AADAC: variants seen among roughly 807,000 people sequenced by gnomAD.
The protein encoded by AADAC is arylacetamide deacetylase, also known as arylacetamide deacetylase (esterase).
AADAC carries 17 observed loss-of-function variants against 22.7 expected under a neutral mutation model. That is an observed-to-expected ratio of 0.75 (90% CI 0.51 to 1.12). The LOEUF (loss-of-function observed/expected upper bound fraction) is 1.12. Ranked by LOEUF, AADAC falls within the 50% of genes most tolerant of loss-of-function variation. AADAC has a pLI of 0.00. For synonymous variants in AADAC, 167 were observed against 176.3 expected (o/e 0.95, Z 0.42); for missense variants, 465 against 473.9 (o/e 0.98, Z 0.17).
chr3:151,824,745 G>C lies in AADAC; in HGVS notation c.514G>C (p.Val172Leu), dbSNP rs35084477. The C allele has an allele frequency of 6.2e-7, 1 of 1,608,848 alleles. No individual in the cohort carries two copies. The highest frequency in any genetic ancestry group is 8.5e-7 in the Non-Finnish European group (1 of 1,177,324). The change falls in exon 4 of 5, where the codon GTT (valine) becomes CTT (leucine). Residue 172 changes from valine (V) to leucine (L), a missense_variant. Transcript: ENST00000232892. ...CTTAAGGTGGTTCTTACGTAAAAAAGTTCTTGCAAAATATGGTGTGAACCC... is the reference window on the plus strand; with the variant it reads ...CTTAAGGTGGTTCTTACGTAAAAAACTTCTTGCAAAATATGGTGTGAACCC... ...NALRWFLRKKVLAKYGVNPER... is the reference protein window; with the variant it reads ...NALRWFLRKKLLAKYGVNPER...
intron 1 of AADAC, among the ~76,000 whole-genome samples, chr3:151,814,788 C>A (rs1268317924): frequency 6.6e-6 from 1 of 151,932 alleles, no homozygotes; most frequent in Admixed American, 6.6e-5. Context: ...GGGTTAACCA[C>A]GAGACGGCAC....
intron 1 of AADAC, among the ~76,000 whole-genome samples, chr3:151,816,676 TAGA>T (rs1715999896): frequency 6.6e-6 from 1 of 151,994 alleles, no homozygotes; most frequent in Non-Finnish European, 1.5e-5. Flanking sequence ...GTCTGGTTAA[TAGA>T]AGAAAAAGGC....
intron 2 of AADAC, among the ~76,000 whole-genome samples, chr3:151,819,888 A>G (rs1716161188): frequency 6.6e-6 from 1 of 152,058 alleles, no homozygotes; most frequent in Admixed American, 6.6e-5. Context: ...AAGGGGACCT[A>G]GTTCTATTCC....
rs1227720780 is a variant in AADAC at position 151,817,595 on chromosome 3, GA to G, written c.361+9del. On this transcript the variant is annotated splice_region_variant and intron_variant, in intron 2 of 4. Coordinates refer to ENST00000232892, the MANE Select transcript of AADAC (RefSeq NM_001086.3). ...TGGTGCGTGGGAAGTGCTGGTAAGT[GA>G]ATGCTTTGAAAAATCTCTGTCACTG... The G allele has an allele frequency of 6.2e-7, 1 of 1,610,300 alleles. No individual in the cohort carries two copies. The highest frequency in any genetic ancestry group is 1.3e-5 in the African/African-American group (1 of 74,888).
intron 3 of AADAC, among the ~76,000 whole-genome samples, chr3:151,823,457 G>T (rs1716338384): frequency 6.6e-6 from 1 of 151,634 alleles, no homozygotes; most frequent in African/African-American, 2.4e-5. Context: ...AGAAGTATAG[G>T]CGAAAGACTC....
chr3:151,821,932 A>G (rs1220929861), intron 3 of AADAC, among the ~76,000 whole-genome samples: 1 of 151,870 alleles, frequency 6.6e-6, no homozygotes, highest in Non-Finnish European at 1.5e-5. Context: ...AAGATAAAAT[A>G]TACTTTAAAA....
intron 4 of AADAC, among the ~76,000 whole-genome samples, chr3:151,826,419 T>C (rs1462924108): frequency 6.6e-6 from 1 of 151,878 alleles, no homozygotes; most frequent in African/African-American, 2.4e-5. Flanking sequence ...TATGAATAAA[T>C]TTATATAAAA....
In AADAC at chr3:151,814,183, C is replaced by T. The variant is rs756727439; in HGVS notation, c.21C>T (p.Tyr7=). The T allele has an allele frequency of 1.3e-5, 21 of 1,613,230 alleles. No individual in the cohort carries two copies. The highest frequency in any genetic ancestry group is 1.7e-5 in the Non-Finnish European group (20 of 1,179,544). MGRKSL[Y]LLIVGILIAY... The stretch of plus-strand genomic sequence containing the variant: ...TCACCATGGGAAGAAAATCGCTGTA[C>T]CTTCTGATTGTGGGGATCCTCATAG... The change falls in exon 1 of 5, where the codon TAC becomes TAT. Residue 7 remains tyrosine, a synonymous_variant. Transcript: ENST00000232892.
chr3:151,824,711 A>C lies in AADAC; in HGVS notation c.480A>C (p.Val160=), dbSNP rs1716401262. ...ATTTCCCAATTCAATTTGAAGATGTATATAATGCCTTAAGGTGGTTCTTAC... is the reference window on the plus strand; with the variant it reads ...ATTTCCCAATTCAATTTGAAGATGTCTATAATGCCTTAAGGTGGTTCTTAC... The part of the protein sequence containing the change: ...KYHFPIQFED[V]YNALRWFLRK... The change falls in exon 4 of 5, where the codon GTA becomes GTC. Residue 160 remains valine, a synonymous_variant. Coordinates refer to ENST00000232892, the MANE Select transcript of AADAC (RefSeq NM_001086.3). 2 of 1,602,462 alleles carry C rather than the reference A, an allele frequency of 1.2e-6. No individual in the cohort carries two copies. Among genetic ancestry groups the C allele is most frequent in the Non-Finnish European group, 1.7e-6 (2 of 1,174,650 alleles).
chr3:151,828,192 A>G lies in AADAC; in HGVS notation c.*20A>G. 1 of 1,376,040 alleles carries G rather than the reference A, an allele frequency of 7.3e-7. No individual in the cohort carries two copies. Among genetic ancestry groups the G allele is most frequent in the East Asian group, 2.4e-5 (1 of 41,134 alleles). 85.2% of individuals were successfully genotyped at this position (1,376,040 alleles called of 1,614,324 possible). A position where few individuals can be genotyped will look rare whatever the true frequency, so the allele number is the denominator to read the frequency against. On this transcript the variant is annotated 3_prime_UTR_variant, in exon 5 of 5. Transcript: ENST00000232892. ...CTATAGTAAAACATGTAGCTATAAC[A>G]TATTTTAAAAATAAAATCTGAAAAC...
At chr3:151,821,880 A>G (rs2108031280) in intron 3 of AADAC, among the ~76,000 whole-genome samples, 1 of 151,994 alleles carries the variant, frequency 6.6e-6, no homozygotes, top group African/African-American at 2.4e-5. Flanking sequence ...TTTTGGTTAT[A>G]TTTAAATTAA....
Position 151,816,046 on chromosome 3 carries a change from G to C in AADAC, c.139-1320G>C, listed in dbSNP as rs931883895. Among the ~76,000 whole-genome samples the C allele has an allele frequency of 7.9e-5, 12 of 152,020 alleles. 1 individual carries two copies. The highest frequency in any genetic ancestry group is 6.6e-4 in the Admixed American group (10 of 15,250). Reference sequence around the variant, plus strand: ...GCTCACTTTCCTCATATCTGACATGGATAAGAAAATGTTATCTTCCTCCCA... The same window carrying C: ...GCTCACTTTCCTCATATCTGACATGCATAAGAAAATGTTATCTTCCTCCCA... On this transcript the variant is annotated intron_variant, in intron 1 of 4. Transcript: ENST00000232892.
intron 1 of AADAC, among the ~76,000 whole-genome samples, chr3:151,815,530 A>C: frequency 6.6e-6 from 1 of 151,950 alleles, no homozygotes; most frequent in East Asian, 1.9e-4. Context: ...AGAAAGGGAC[A>C]CATTTTTTTC....
intron 1 of AADAC, among the ~76,000 whole-genome samples, chr3:151,814,584 C>T (rs1353048995): frequency 1.3e-5 from 2 of 151,974 alleles, no homozygotes; most frequent in Non-Finnish European, 2.9e-5. Flanking sequence ...TAGTGGCTCT[C>T]CTTTGAAATT....
At chr3:151,821,608 G>A (rs199741469) in intron 3 of AADAC, among the ~76,000 whole-genome samples, 1 of 151,856 alleles carries the variant, frequency 6.6e-6, no homozygotes, top group African/African-American at 2.4e-5. Context: ...ATAATATTTT[G>A]TAAAATGCAA....
intron 1 of AADAC, among the ~76,000 whole-genome samples, chr3:151,815,336 A>G (rs1715937618): frequency 6.6e-6 from 1 of 152,056 alleles, no homozygotes; most frequent in African/African-American, 2.4e-5. Flanking sequence ...ACCAACAAGT[A>G]AAAACACCCC....
chr3:151,821,740 C>G (rs1716263429), intron 3 of AADAC, among the ~76,000 whole-genome samples: 1 of 151,778 alleles, frequency 6.6e-6, no homozygotes, highest in Admixed American at 6.6e-5. Flanking sequence ...ATTGCAATGA[C>G]TAATAAATCA....
Position 151,827,951 on chromosome 3 carries a change from A to C in AADAC, c.979A>C (p.Asn327His). The stretch of plus-strand genomic sequence containing the variant: ...GGCAGCCCCTTTGTTGGCTGATGAC[A>C]ACAAATTACGTGGCTTACCCCTGAC... Reference protein sequence around the residue: ...VRAAPLLADDNKLRGLPLTYV... With the variant: ...VRAAPLLADDHKLRGLPLTYV... The change falls in exon 5 of 5, where the codon AAC becomes CAC. Residue 327 changes from asparagine (N) to histidine (H), a missense_variant. Coordinates refer to ENST00000232892, the MANE Select transcript of AADAC (RefSeq NM_001086.3). 1 of 1,611,168 alleles carries C rather than the reference A, an allele frequency of 6.2e-7. No individual in the cohort carries two copies. The highest frequency in any genetic ancestry group is 8.5e-7 in the Non-Finnish European group (1 of 1,178,120).
At chr3:151,823,788 G>A (rs549024029) in intron 3 of AADAC, among the ~76,000 whole-genome samples, 1 of 151,982 alleles carries the variant, frequency 6.6e-6, no homozygotes, top group East Asian at 1.9e-4. Context: ...ACAGCCATAG[G>A]GCCCCAAAAA....
Sources: allele counts gnomAD v4.1 joint callset (sites outside exome capture counted in the v4.1 genomes callset), GRCh38; gene constraint gnomAD v4.1.1; transcripts MANE v1.5; gene names NCBI Gene and HGNC (gene_info 2026-07-23, HGNC 2026-07-21).